The following CCDC171 variants were observed in gnomAD, a reference collection of about 807,000 sequenced individuals.
CCDC171 encodes coiled-coil domain containing 171.
Under a neutral mutation model 168.2 loss-of-function variants are expected in CCDC171, and 177 were observed. The observed-to-expected ratio is 1.05, with a 90% CI of 0.93 to 1.19. The LOEUF is 1.19. CCDC171 is among the 50% of genes most tolerant of loss of function. The probability of loss-of-function intolerance (pLI) is 0.00; values close to 1 mark genes in which losing one functional copy is unlikely to be tolerated. For synonymous variants in CCDC171, 687 were observed against 540.8 expected, an observed-to-expected ratio of 1.27 and a Z score of -3.75; for missense variants, 1,991 against 1,539.0, an observed-to-expected ratio of 1.29 and a Z score of -4.91.
chr9:16,064,192 A>G (rs999925976), downstream of CCDC171, among the ~76,000 whole-genome samples: 1 of 152,178 alleles, frequency 6.6e-6, no homozygotes, highest in African/African-American at 2.4e-5. Flanking sequence ...GGATAACAAA[A>G]GCATGCTTTT....
At chr9:16,097,623 T>G in the CCDC171 span, among the ~76,000 whole-genome samples, 1 of 152,184 alleles carries the variant, frequency 6.6e-6, no homozygotes, top group Non-Finnish European at 1.5e-5. Flanking sequence ...GGATGAATCT[T>G]TACCTAGCAT....
At chr9:15,634,210 A>C (rs114078628) in intron 7 of CCDC171, among the ~76,000 whole-genome samples, 2,411 of 152,062 alleles carry the variant, frequency 0.016, 74 homozygotes, top group African/African-American at 0.054. Flanking sequence ...CAAACACACA[A>C]AAAAAAGAAA....
chr9:15,747,612 G>C (rs985184075), intron 18 of CCDC171, among the ~76,000 whole-genome samples: 2 of 152,224 alleles, frequency 1.3e-5, no homozygotes, highest in African/African-American at 4.8e-5. Flanking sequence ...GGCACACAGG[G>C]TCTGGACTGG....
At chr9:15,823,103 C>T (rs939521997) in intron 21 of CCDC171, among the ~76,000 whole-genome samples, 6 of 152,080 alleles carry the variant, frequency 3.9e-5, no homozygotes, top group African/African-American at 1.4e-4. Flanking sequence ...CCAAACACTG[C>T]ATGTTCTCAC....
the CCDC171 span, among the ~76,000 whole-genome samples, chr9:16,084,625 C>T: frequency 6.6e-6 from 1 of 152,172 alleles, no homozygotes; most frequent in African/African-American, 2.4e-5. Flanking sequence ...ATGGCGCCTC[C>T]TCAAACTTCC....
chr9:15,610,099 C>T (rs930138955), intron 6 of CCDC171, among the ~76,000 whole-genome samples: 1 of 151,844 alleles, frequency 6.6e-6, no homozygotes, highest in Non-Finnish European at 1.5e-5. Flanking sequence ...TGATACCTTT[C>T]TTAGTATATT....
chr9:15,613,548 G>C (rs559438671), intron 6 of CCDC171, among the ~76,000 whole-genome samples: 1 of 148,080 alleles, frequency 6.8e-6, no homozygotes, highest in Non-Finnish European at 1.5e-5. Context: ...TTTTCAGATG[G>C]AGTCTCGCTC....
chr9:15,601,845 G>T (rs1039240158), intron 6 of CCDC171, among the ~76,000 whole-genome samples: 5 of 152,112 alleles, frequency 3.3e-5, no homozygotes, highest in African/African-American at 7.2e-5. Flanking sequence ...CTCAGCCAGA[G>T]GTCTAAATTT....
intron 7 of CCDC171, among the ~76,000 whole-genome samples, chr9:15,650,214 A>C (rs567541764): frequency 1.3e-5 from 2 of 152,168 alleles, no homozygotes; most frequent in South Asian, 2.1e-4. Context: ...ACACTTGGAC[A>C]CAGGATGGGG....
At chr9:15,794,655 A>G (rs190951111) in intron 21 of CCDC171, among the ~76,000 whole-genome samples, 1 of 152,184 alleles carries the variant, frequency 6.6e-6, no homozygotes, top group African/African-American at 2.4e-5. Flanking sequence ...TGGTTTTTAG[A>G]TTTTTAAGGG....
chr9:15,774,905 G>A (rs1171965469), intron 18 of CCDC171, among the ~76,000 whole-genome samples: 2 of 152,220 alleles, frequency 1.3e-5, no homozygotes, highest in South Asian at 2.1e-4. Context: ...GCTAAGCTAT[G>A]AGGATGCAAA....
chr9:15,824,219 A>G (rs2059917834), intron 21 of CCDC171, among the ~76,000 whole-genome samples: 1 of 152,100 alleles, frequency 6.6e-6, no homozygotes, highest in African/African-American at 2.4e-5. Flanking sequence ...ATATGTATAT[A>G]CATACACTCT....
chr9:15,579,428 T>C (rs1470136863), intron 4 of CCDC171, among the ~76,000 whole-genome samples: 2 of 152,208 alleles, frequency 1.3e-5, no homozygotes, highest in African/African-American at 2.4e-5. Context: ...GCCTCTTTCA[T>C]TGATTTTGCC....
chr9:15,709,257 G>GGAA (rs1207446545), intron 11 of CCDC171, among the ~76,000 whole-genome samples: 1 of 152,114 alleles, frequency 6.6e-6, no homozygotes, highest in Non-Finnish European at 1.5e-5. Context: ...AATGACATAA[G>GGAA]GAAGGAGTCT....
intron 25 of CCDC171, among the ~76,000 whole-genome samples, chr9:15,951,186 C>T (rs1286931430): frequency 6.6e-6 from 1 of 150,604 alleles, no homozygotes; most frequent in East Asian, 2.0e-4. Flanking sequence ...GAGACTTTAA[C>T]ACCCCACTGT....
chr9:15,790,116 G>A (rs1437438695), intron 21 of CCDC171, among the ~76,000 whole-genome samples: 1 of 152,198 alleles, frequency 6.6e-6, no homozygotes, highest in Admixed American at 6.5e-5. Context: ...TATATACCCA[G>A]TAATGGGACG....
At chr9:15,976,443 A>G (rs567843840), downstream of CCDC171, among the ~76,000 whole-genome samples, 1 of 152,176 alleles carries the variant, frequency 6.6e-6, no homozygotes, top group East Asian at 1.9e-4. Flanking sequence ...AACTTTTGAT[A>G]ATTCTTCAAT....
downstream of CCDC171, among the ~76,000 whole-genome samples, chr9:15,976,247 AT>A (rs913396417): frequency 1.3e-4 from 20 of 152,318 alleles, no homozygotes; most frequent in African/African-American, 4.8e-4. Flanking sequence ...TTTTTAAAAG[AT>A]TAATATGTTA....
chr9:15,982,299 C>T (rs920926961), intron 3 of CCDC171, among the ~76,000 whole-genome samples: 13 of 152,104 alleles, frequency 8.5e-5, no homozygotes, highest in African/African-American at 2.7e-4. Flanking sequence ...AATTTAGAAC[C>T]GTATTCACTC....
Sources: allele counts gnomAD v4.1 joint callset (sites outside exome capture counted in the v4.1 genomes callset), GRCh38; gene constraint gnomAD v4.1.1; transcripts MANE v1.5; gene names NCBI Gene and HGNC (gene_info 2026-07-23, HGNC 2026-07-21).